Variants in THSD7A observed in about 807,000 individuals in gnomAD.
THSD7A encodes thrombospondin type-1 domain-containing protein 7A.
THSD7A carries 96 observed loss-of-function variants against 231.3 expected under a neutral mutation model. That is an observed-to-expected ratio of 0.41 (90% CI 0.35 to 0.49). The LOEUF (loss-of-function observed/expected upper bound fraction) is 0.49. THSD7A is among the 20% of genes least tolerant of loss of function. The pLI is 0.05. For missense variants in THSD7A, 2,290 were observed against 2,070.2 expected (o/e 1.11, Z -2.06); for synonymous variants, 940 against 743.3 (o/e 1.26, Z -4.30).
At chr7:11,769,151 A>T (rs865833767) in intron 1 of THSD7A, among the ~76,000 whole-genome samples, 3,760 of 34,846 alleles carry the variant, frequency 0.11, 474 homozygotes, top group African/African-American at 0.22. Flanking sequence ...ATATATATAT[A>T]TATTTTTTTT....
chr7:11,719,025 C>T (rs1781250334), intron 1 of THSD7A, among the ~76,000 whole-genome samples: 1 of 151,498 alleles, frequency 6.6e-6, no homozygotes, highest in African/African-American at 2.4e-5. Context: ...AAGAGCAGGA[C>T]TATGTATTTT....
chr7:11,400,969 A>G (rs1783381987), intron 23 of THSD7A, among the ~76,000 whole-genome samples: 1 of 152,156 alleles, frequency 6.6e-6, no homozygotes, highest in African/African-American at 2.4e-5. Context: ...GTGATTCTTG[A>G]AGATGTATTG....
chr7:11,451,819 A>G (rs375670795), intron 11 of THSD7A, among the ~76,000 whole-genome samples: 1 of 152,060 alleles, frequency 6.6e-6, no homozygotes, highest in South Asian at 2.1e-4. Flanking sequence ...GTAATTGCTC[A>G]TCTTCATTTT....
intron 1 of THSD7A, among the ~76,000 whole-genome samples, chr7:11,654,858 C>T (rs1782648118): frequency 6.6e-6 from 1 of 151,786 alleles, no homozygotes; most frequent in African/African-American, 2.4e-5. Context: ...ACATGGTTTA[C>T]TGAGTAGTTG....
At chr7:11,629,822 T>G (rs73676054) in intron 2 of THSD7A, among the ~76,000 whole-genome samples, 16,430 of 152,230 alleles carry the variant, frequency 0.11, 1,102 homozygotes, top group African/African-American at 0.18. Context: ...ATTTTATGTC[T>G]GCAATTTTAG....
rs1782279572 is a variant in THSD7A at position 11,745,789 on chromosome 7, G to T, written c.190+85968C>A. Among the ~76,000 whole-genome samples, 4 of 152,152 alleles carry T rather than the reference G, an allele frequency of 2.6e-5. No homozygotes were observed. In the South Asian group the frequency reaches 6.2e-4, roughly 24 times the overall value. ...GCATTATTTCTGAGGGCTCTGTTCT[G>T]TTCCATTGGTCTATATCTCTGTTTT... On this transcript the variant is annotated intron_variant, in intron 1 of 27. Coordinates refer to ENST00000423059, the MANE Select transcript of THSD7A (RefSeq NM_015204.3).
intron 4 of THSD7A, among the ~76,000 whole-genome samples, chr7:11,546,145 C>T (rs571252215): frequency 1.4e-5 from 2 of 142,846 alleles, no homozygotes; most frequent in South Asian, 4.4e-4. Context: ...CTTCCCCAAC[C>T]ATTGTGCCAG....
At chr7:11,404,582 G>A (rs1783519901) in intron 22 of THSD7A, among the ~76,000 whole-genome samples, 1 of 152,198 alleles carries the variant, frequency 6.6e-6, no homozygotes, top group South Asian at 2.1e-4. Flanking sequence ...GGCTGGGTCT[G>A]CAGTGAAGCA....
intron 1 of THSD7A, among the ~76,000 whole-genome samples, chr7:11,742,859 T>C (rs1782158939): frequency 6.6e-6 from 1 of 152,040 alleles, no homozygotes; most frequent in East Asian, 2.0e-4. Context: ...ACTTAATTAA[T>C]GGCTGTCTTT....
chr7:11,735,432 C>T (rs1781883358), intron 1 of THSD7A, among the ~76,000 whole-genome samples: 1 of 151,804 alleles, frequency 6.6e-6, no homozygotes, highest in African/African-American at 2.4e-5. Flanking sequence ...ACAAACTTTG[C>T]TTCATGCACA....
chr7:11,568,650 AAAAACC>A (rs1296260040), intron 4 of THSD7A, among the ~76,000 whole-genome samples: 45 of 143,934 alleles, frequency 3.1e-4, no homozygotes, highest in Middle Eastern at 3.5e-3. Flanking sequence ...AAAAAAAAAA[AAAAACC>A]AAAATCTGGA....
At chr7:11,680,098 G>C (rs914874430) in intron 1 of THSD7A, among the ~76,000 whole-genome samples, 1 of 151,894 alleles carries the variant, frequency 6.6e-6, no homozygotes, top group African/African-American at 2.4e-5. Context: ...AAAGTAATGG[G>C]GAAAGGATTC....
chr7:11,635,796 A>C (rs945003213), intron 2 of THSD7A, among the ~76,000 whole-genome samples: 2 of 152,182 alleles, frequency 1.3e-5, no homozygotes, highest in African/African-American at 4.8e-5. Flanking sequence ...TAAAATCCCA[A>C]TATTTCAGCC....
intron 23 of THSD7A, among the ~76,000 whole-genome samples, chr7:11,399,083 G>C (rs1025850868): frequency 6.6e-6 from 1 of 152,092 alleles, no homozygotes; most frequent in African/African-American, 2.4e-5. Flanking sequence ...TATCATAACT[G>C]GTATTTTTCC....
At chr7:11,779,414 A>G (rs1783550989) in intron 1 of THSD7A, among the ~76,000 whole-genome samples, 1 of 151,940 alleles carries the variant, frequency 6.6e-6, no homozygotes, top group Non-Finnish European at 1.5e-5. Flanking sequence ...CAAGTTTCCA[A>G]CTCCTTTCTG....
chr7:11,689,441 T>G (rs952420115), intron 1 of THSD7A, among the ~76,000 whole-genome samples: 1 of 151,850 alleles, frequency 6.6e-6, no homozygotes, highest in African/African-American at 2.4e-5. Context: ...CCTTGTCATA[T>G]TCTACAGAGG....
At chr7:11,785,046 G>T (rs1286833243) in intron 1 of THSD7A, among the ~76,000 whole-genome samples, 5 of 152,018 alleles carry the variant, frequency 3.3e-5, no homozygotes, top group Non-Finnish European at 7.4e-5. Flanking sequence ...TATGCAGGAG[G>T]TCTTAATTCC....
chr7:11,742,782 G>C (rs1464399560), intron 1 of THSD7A, among the ~76,000 whole-genome samples: 1 of 151,862 alleles, frequency 6.6e-6, no homozygotes, highest in Non-Finnish European at 1.5e-5. Flanking sequence ...ATCAGACAGA[G>C]GAAGCCATTC....
At chr7:11,443,626 T>C (rs1291959529) in intron 13 of THSD7A, among the ~76,000 whole-genome samples, 1 of 151,998 alleles carries the variant, frequency 6.6e-6, no homozygotes, top group Non-Finnish European at 1.5e-5. Flanking sequence ...TGTTTTTACC[T>C]TAAATATACA....
Sources: allele counts gnomAD v4.1 joint callset (sites outside exome capture counted in the v4.1 genomes callset), GRCh38; gene constraint gnomAD v4.1.1; transcripts MANE v1.5; gene names NCBI Gene and HGNC (gene_info 2026-07-23, HGNC 2026-07-21).